Variants in DAB1 observed in about 807,000 individuals in gnomAD.
DAB1 encodes DAB adaptor protein 1, also known as disabled homolog 1.
A neutral mutation model predicts 64.6 loss-of-function variants in DAB1; 15 were observed. The observed-to-expected ratio is 0.23, with a 90% CI of 0.16 to 0.36. The LOEUF is 0.36. DAB1 is among the 10% of genes least tolerant of loss of function. DAB1 has a pLI of 1.00. For synonymous variants in DAB1, 235 were observed against 251.9 expected (o/e 0.93, Z 0.64); for missense variants, 596 against 706.7 (o/e 0.84, Z 1.78).
At chr1:57,580,733 A>G (rs559797942) in intron 7 of DAB1, among the ~76,000 whole-genome samples, 5 of 152,304 alleles carry the variant, frequency 3.3e-5, no homozygotes, top group Non-Finnish European at 5.9e-5. Flanking sequence ...CGGAGCAACA[A>G]TCACACTTCA....
intron 6 of DAB1, among the ~76,000 whole-genome samples, chr1:57,710,497 G>A (rs1014749176): frequency 6.6e-6 from 1 of 152,146 alleles, no homozygotes; most frequent in African/African-American, 2.4e-5. Context: ...CAGGCCTTAT[G>A]AGCATGTTCT....
At chr1:58,448,841 C>A (rs1419646129) in intron 3 of DAB1, among the ~76,000 whole-genome samples, 2 of 152,186 alleles carry the variant, frequency 1.3e-5, no homozygotes, top group African/African-American at 4.8e-5. Context: ...GCACAGCTGC[C>A]TTGGCTGTGA....
intron 6 of DAB1, among the ~76,000 whole-genome samples, chr1:57,721,070 C>A (rs1407811891): frequency 6.6e-6 from 1 of 152,154 alleles, no homozygotes; most frequent in African/African-American, 2.4e-5. Flanking sequence ...TTTTTTCCTA[C>A]CCAGCCCTCC....
intron 7 of DAB1, among the ~76,000 whole-genome samples, chr1:57,435,983 C>T (rs1469410831): frequency 7.4e-6 from 1 of 134,528 alleles, no homozygotes; most frequent in Non-Finnish European, 1.5e-5. Context: ...GTGGTGTGAT[C>T]TCAGCTTACT....
At chr1:57,464,159 A>G (rs1339788009) in intron 7 of DAB1, among the ~76,000 whole-genome samples, 27 of 152,222 alleles carry the variant, frequency 1.8e-4, no homozygotes, top group African/African-American at 7.2e-5. Flanking sequence ...TTAAAGAACT[A>G]TCATGTAAGT....
At chr1:58,339,607 T>G (rs1463651419) in intron 4 of DAB1, among the ~76,000 whole-genome samples, 2 of 152,146 alleles carry the variant, frequency 1.3e-5, no homozygotes, top group South Asian at 2.1e-4. Context: ...CTAAACTTTG[T>G]AAAATTTATT....
chr1:57,330,351 G>A (rs1475836932), intron 1 of DAB1, among the ~76,000 whole-genome samples: 1 of 152,212 alleles, frequency 6.6e-6, no homozygotes, highest in Non-Finnish European at 1.5e-5. Flanking sequence ...TGGTGCAGAT[G>A]TGTGTCGTAC....
intron 14 of DAB1, among the ~76,000 whole-genome samples, chr1:57,006,132 ATT>A (rs1392899844): frequency 6.6e-6 from 1 of 152,178 alleles, no homozygotes; most frequent in Non-Finnish European, 1.5e-5. Flanking sequence ...AGGCACACAT[ATT>A]TACAGAGAGT....
intron 1 of DAB1, among the ~76,000 whole-genome samples, chr1:57,293,452 G>A (rs1241008782): frequency 1.3e-5 from 2 of 152,254 alleles, no homozygotes; most frequent in Non-Finnish European, 2.9e-5. Context: ...GCCCACTGGG[G>A]GAGCTGTTGT....
intron 5 of DAB1, among the ~76,000 whole-genome samples, chr1:58,000,693 C>T (rs1056842167): frequency 6.6e-6 from 1 of 151,160 alleles, no homozygotes; most frequent in African/African-American, 2.4e-5. Flanking sequence ...GCCTCAGCCT[C>T]CTGAGTAGGT....
At chr1:57,991,553 G>C (rs966953414) in intron 5 of DAB1, among the ~76,000 whole-genome samples, 1 of 152,062 alleles carries the variant, frequency 6.6e-6, no homozygotes, top group Admixed American at 6.6e-5. Context: ...GAGAGGCATA[G>C]GAGCAAGCCC....
chr1:57,304,249 TG>T (rs1449777685), intron 1 of DAB1, among the ~76,000 whole-genome samples: 1 of 152,044 alleles, frequency 6.6e-6, no homozygotes, highest in African/African-American at 2.4e-5. Context: ...TCAAATATCC[TG>T]AGAACTCACT....
Position 57,363,635 on chromosome 1 carries a change from T to G in DAB1, c.-137+60295A>C, listed in dbSNP as rs534374817. Among the ~76,000 whole-genome samples, 209 of 152,268 alleles carry G rather than the reference T, an allele frequency of 1.4e-3. 1 individual carries two copies. Among genetic ancestry groups the G allele is most frequent in the Middle Eastern group, 6.8e-3 (2 of 294 alleles). Reference sequence around the variant, plus strand: ...TCTTAATAAATATTAGGGACTCCTCTCATTGTAGGATACAGGAGACTGAGA... The same window carrying G: ...TCTTAATAAATATTAGGGACTCCTCGCATTGTAGGATACAGGAGACTGAGA... On this transcript the variant is annotated intron_variant, in intron 1 of 14. Transcript: ENST00000371236.
intron 7 of DAB1, among the ~76,000 whole-genome samples, chr1:57,558,106 G>T (rs941077299): frequency 6.6e-6 from 1 of 152,176 alleles, no homozygotes; most frequent in Non-Finnish European, 1.5e-5. Context: ...CTGAAACTTG[G>T]AATGGGGATG....
chr1:58,400,332 G>A (rs966145330), intron 3 of DAB1, among the ~76,000 whole-genome samples: 8 of 152,078 alleles, frequency 5.3e-5, no homozygotes, highest in Admixed American at 5.2e-4. Context: ...AAGATCATCT[G>A]AATGGCCCCG....
intron 5 of DAB1, among the ~76,000 whole-genome samples, chr1:57,908,999 A>T (rs1008522182): frequency 1.3e-5 from 2 of 152,224 alleles, no homozygotes; most frequent in South Asian, 4.1e-4. Context: ...TTTACGTGAT[A>T]CAGAGGCATT....
At chr1:57,133,464 A>T (rs1161764069) in intron 4 of DAB1, among the ~76,000 whole-genome samples, 3 of 152,198 alleles carry the variant, frequency 2.0e-5, no homozygotes, top group Non-Finnish European at 4.4e-5. Context: ...CTTCCTCGTC[A>T]TCCATCTGTC....
At chr1:58,500,278 T>C (rs1645885171) in intron 3 of DAB1, among the ~76,000 whole-genome samples, 1 of 152,190 alleles carries the variant, frequency 6.6e-6, no homozygotes, top group Non-Finnish European at 1.5e-5. Flanking sequence ...GCTGCTATGA[T>C]ATTTGCCTTT....
chr1:57,965,938 C>CG (rs138067877), intron 5 of DAB1, among the ~76,000 whole-genome samples: 1,917 of 151,012 alleles, frequency 0.013, 38 homozygotes, highest in African/African-American at 0.042. Context: ...CTTTAAATGG[C>CG]GGGGGGGGAG....
Sources: gnomAD v4.1 joint callset for allele counts (sites outside exome capture counted in the v4.1 genomes callset) on GRCh38, gnomAD v4.1.1 for gene constraint, MANE v1.5 for transcripts, NCBI Gene and HGNC (gene_info 2026-07-23, HGNC 2026-07-21) for gene names.